The following CASP8 variants were observed in gnomAD, a reference collection of about 807,000 sequenced individuals.
The protein encoded by CASP8 is caspase 8, also known as caspase-8.
Under a neutral mutation model 46.3 loss-of-function variants are expected in CASP8, and 24 were observed. The observed-to-expected ratio is 0.52, with a 90% CI of 0.38 to 0.73. CASP8 has a LOEUF of 0.73. CASP8 is among the 30% of genes least tolerant of loss of function. CASP8 has a pLI of 0.00. For missense variants in CASP8, 460 were observed against 559.0 expected, an observed-to-expected ratio of 0.82 and a Z score of 1.79; for synonymous variants, 188 against 200.4, an observed-to-expected ratio of 0.94 and a Z score of 0.52.
chr2:201,252,989 A>AT lies in CASP8; in HGVS notation c.-26-13463dup, dbSNP rs201335845. Among the ~76,000 whole-genome samples, 761 of 151,284 alleles carry AT rather than the reference A, an allele frequency of 5.0e-3. 5 individuals carry two copies. The highest frequency in any genetic ancestry group is 7.4e-3 in the Admixed American group (112 of 15,168). ...CAGGGAATAACCCTCCCAACATCTG[A>AT]TTTTTTTTTGTTTTAGACAGGGGCT... On this transcript the variant is annotated intron_variant, in intron 2 of 6. Transcript: ENST00000264274.
chr2:201,262,979 ATTTTCCCTTCTAAATGTCAG>A (rs1239183203), intron 1 of CASP8, among the ~76,000 whole-genome samples: 1 of 152,232 alleles, frequency 6.6e-6, no homozygotes, highest in Admixed American at 6.5e-5. Context: ...CCACGTTAGC[ATTTTCCCTTCTAAATGTCAG>A]TTATGATTTG....
At chr2:201,274,119 A>G (rs1015139856) in intron 5 of CASP8, among the ~76,000 whole-genome samples, 1 of 152,048 alleles carries the variant, frequency 6.6e-6, no homozygotes, top group African/African-American at 2.4e-5. Context: ...GTGTGTGTAA[A>G]ATACATTTTG....
At chr2:201,273,058 CTTTT>C (rs397826156) in intron 5 of CASP8, 116 bp downstream of exon 5, 578 of 593,984 alleles carry the variant, frequency 9.7e-4, no homozygotes, top group Middle Eastern at 2.3e-3. Flanking sequence ...TCTACTTTTT[CTTTT>C]TTTTTTTTTT....
chr2:201,253,389 C>T lies in CASP8; in HGVS notation c.-26-13072C>T, dbSNP rs545535072. On this transcript the variant is annotated intron_variant, in intron 2 of 6. Coordinates refer to the CASP8 transcript ENST00000264274. ...ATGTAGGCCCTTCAGAGTCACTTCACTTTTCTGAGCTTTCGTTTCTTCAAC... is the reference window on the plus strand; with the variant it reads ...ATGTAGGCCCTTCAGAGTCACTTCATTTTTCTGAGCTTTCGTTTCTTCAAC... Among the ~76,000 whole-genome samples the T allele has an allele frequency of 3.7e-5, 5 of 133,970 alleles. No homozygotes were observed. The East Asian group carries it at 1.2e-3, about 32-fold the overall frequency. The allele number at this position is 133,970 out of a possible 152,430, so 87.9% of individuals were successfully genotyped here.
chr2:201,238,981 G>C (rs1946177102), intron 2 of CASP8, among the ~76,000 whole-genome samples: 1 of 151,946 alleles, frequency 6.6e-6, no homozygotes, highest in African/African-American at 2.4e-5. Flanking sequence ...TAAGGAGCAT[G>C]CTGCCTTCAA....
At chr2:201,273,075 T>C in intron 5 of CASP8, 133 bp downstream of exon 5, 1 of 767,120 alleles carries the variant, frequency 1.3e-6, no homozygotes, top group African/African-American at 1.8e-5. Flanking sequence ...TTTTTTTTTT[T>C]GTGAGACAGT....
upstream of CASP8, chr2:201,258,055 T>C (rs955234749): frequency 4.3e-6 from 3 of 694,618 alleles, no homozygotes; most frequent in African/African-American, 5.3e-5. Flanking sequence ...TGTTCTGCTT[T>C]AGGAGTAAAG....
rs754614713 is a variant in CASP8 at position 201,266,805 on chromosome 2, C to T, written c.305+14C>T. The T allele has an allele frequency of 6.2e-7, 1 of 1,603,450 alleles. No homozygotes were observed. Among genetic ancestry groups the T allele is most frequent in the Non-Finnish European group, 8.5e-7 (1 of 1,171,958 alleles). Reference sequence around the variant, plus strand: ...TTCTGCCTACAGGTGGGTGGAAACTCCCATTGTGGGACTGGGAGGTGTGGG... The same window carrying T: ...TTCTGCCTACAGGTGGGTGGAAACTTCCATTGTGGGACTGGGAGGTGTGGG... On this transcript the variant is annotated intron_variant, in intron 2 of 8. Transcript: ENST00000673742. This position sits in a 1 kb window ranked among gnomAD's most constrained non-coding sequence, Gnocchi z 5.7.
intron 7 of CASP8, among the ~76,000 whole-genome samples, chr2:201,283,074 G>T (rs1949226488): frequency 1.4e-5 from 1 of 71,392 alleles, no homozygotes; most frequent in African/African-American, 4.3e-5. Context: ...CCCGGACGGG[G>T]CGGCTGGCCG....
upstream of CASP8, chr2:201,258,039 C>T: frequency 1.6e-6 from 1 of 630,162 alleles, no homozygotes; most frequent in Non-Finnish European, 2.8e-6. Context: ...TCGAGTGAGT[C>T]ATCTCTGTTC....
Position 201,241,999 on chromosome 2 carries a change from A to G in CASP8, c.-27+7887A>G, listed in dbSNP as rs538650109. 8 of 152,348 alleles carry G rather than the reference A, an allele frequency of 5.3e-5. No homozygotes were observed. The East Asian group carries it at 1.3e-3, about 26-fold the overall frequency. The allele number at this position is 152,348 out of a possible 1,614,324, so 9.4% of individuals were successfully genotyped here. A position where few individuals can be genotyped will look rare whatever the true frequency, so the allele number is the denominator to read the frequency against. On this transcript the variant is annotated intron_variant, in intron 2 of 6. Coordinates refer to the CASP8 transcript ENST00000264274. ...CAGAGAAAGCATTTGACAAAATTCA[A>G]TACCCTTTCGTGATTAAACAATTTT...
At chr2:201,234,878 T>C (rs561522380) in intron 2 of CASP8, among the ~76,000 whole-genome samples, 2 of 152,336 alleles carry the variant, frequency 1.3e-5, no homozygotes, top group Admixed American at 6.5e-5. Flanking sequence ...TTCCTACTTA[T>C]TATGAATTTA....
chr2:201,281,673 T>C (rs935033701), intron 7 of CASP8, among the ~76,000 whole-genome samples: 2 of 152,256 alleles, frequency 1.3e-5, no homozygotes, highest in African/African-American at 4.8e-5. Context: ...GGATCTTTTA[T>C]TCAAAAATTG....
intron 2 of CASP8, among the ~76,000 whole-genome samples, chr2:201,245,538 G>C (rs969775334): frequency 7.2e-5 from 11 of 152,204 alleles, no homozygotes; most frequent in African/African-American, 2.7e-4. Flanking sequence ...ACTGTCCCCA[G>C]CCACTGGACT....
Position 201,267,611 on chromosome 2 carries a change from A to C in CASP8, c.305+820A>C, listed in dbSNP as rs1947914548. Among the ~76,000 whole-genome samples, 3 of 152,224 alleles carry C rather than the reference A, an allele frequency of 2.0e-5. No homozygotes were observed. The South Asian group carries it at 6.2e-4, about 32-fold the overall frequency. On this transcript the variant is annotated intron_variant, in intron 2 of 8. Coordinates refer to ENST00000673742, the MANE Select transcript of CASP8 (RefSeq NM_001372051.1). ...AAGGTGTGAGAGAGAAACCCCATTC[A>C]GTTACAACTTCATGATGCTGTGACA...
rs1450539439 is a variant in CASP8 at position 201,272,965 on chromosome 2, C to G, written c.595+23C>G. 6.2e-7 allele frequency: 1 copy of G among 1,607,980 alleles called. No homozygotes were observed. Among genetic ancestry groups the G allele is most frequent in the Non-Finnish European group, 8.5e-7 (1 of 1,175,032 alleles). ...ATGGTAATGCTTGGAGATACATTTT[C>G]AAGATTTAGTTAATTTACTATCTGG... On this transcript the variant is annotated intron_variant, in intron 5 of 8. Transcript: ENST00000673742. This position sits in a 1 kb window ranked among gnomAD's most constrained non-coding sequence, Gnocchi z 4.4.
intron 2 of CASP8, among the ~76,000 whole-genome samples, chr2:201,246,675 C>G (rs758631611): frequency 2.6e-5 from 4 of 152,156 alleles, no homozygotes; most frequent in Non-Finnish European, 5.9e-5. Context: ...ACACCAGGAT[C>G]TGTCCTGAGG....
chr2:201,248,873 T>C (rs1946648759), intron 2 of CASP8, among the ~76,000 whole-genome samples: 1 of 152,182 alleles, frequency 6.6e-6, no homozygotes, highest in Non-Finnish European at 1.5e-5. Flanking sequence ...GACATTCTCT[T>C]AGGATTTCTC....
intron 2 of CASP8, among the ~76,000 whole-genome samples, chr2:201,268,858 C>T (rs942674101): frequency 1.3e-5 from 2 of 151,612 alleles, no homozygotes; most frequent in African/African-American, 4.8e-5. Flanking sequence ...TCTTATGAGA[C>T]AGTCACTGGA....
Sources: allele counts gnomAD v4.1 joint callset (sites outside exome capture counted in the v4.1 genomes callset), GRCh38; gene constraint gnomAD v4.1.1; non-coding constraint Gnocchi (gnomAD v3.1); transcripts MANE v1.5; gene names NCBI Gene and HGNC (gene_info 2026-07-23, HGNC 2026-07-21).